The following LHFPL3 variants were observed in gnomAD, a reference collection of about 807,000 sequenced individuals.
The protein encoded by LHFPL3 is LHFPL tetraspan subfamily member 3, also known as LHFPL tetraspan subfamily member 3 protein.
A neutral mutation model predicts 19.3 loss-of-function variants in LHFPL3; 5 were observed. The observed-to-expected ratio is 0.26, with a 90% CI of 0.14 to 0.54. The LOEUF is 0.54. Ranked by LOEUF, LHFPL3 falls within the 20% of genes least tolerant of loss-of-function variation. The pLI, the probability that LHFPL3 is intolerant of heterozygous loss-of-function variation, is 0.94. For synonymous variants in LHFPL3, 133 were observed against 126.2 expected (o/e 1.05, Z -0.36); for missense variants, 249 against 307.4 (o/e 0.81, Z 1.42).
intron 2 of LHFPL3, among the ~76,000 whole-genome samples, chr7:104,748,940 T>C (rs1441630319): frequency 6.6e-6 from 1 of 152,250 alleles, no homozygotes; most frequent in East Asian, 1.9e-4. Flanking sequence ...TTGCGCTGAC[T>C]GAATTTTTTC....
intron 1 of LHFPL3, among the ~76,000 whole-genome samples, chr7:104,582,228 A>G (rs888262160): frequency 1.3e-5 from 2 of 151,920 alleles, no homozygotes; most frequent in East Asian, 3.9e-4. Context: ...TTTTGACACT[A>G]TTATTAATAA....
chr7:104,727,749 G>T (rs1212314622), intron 1 of LHFPL3, among the ~76,000 whole-genome samples: 1 of 150,822 alleles, frequency 6.6e-6, no homozygotes, highest in African/African-American at 2.4e-5. Context: ...AGAGAAAAAA[G>T]AAAAAAAAAC....
intron 1 of LHFPL3, among the ~76,000 whole-genome samples, chr7:104,358,936 G>T (rs1790337380): frequency 6.6e-6 from 1 of 152,216 alleles, no homozygotes; most frequent in African/African-American, 2.4e-5. Context: ...ACAGTTTGGA[G>T]AAATGTTTTC....
At chr7:104,474,890 GA>G (rs928368461) in intron 1 of LHFPL3, among the ~76,000 whole-genome samples, 16 of 151,976 alleles carry the variant, frequency 1.1e-4, no homozygotes, top group Non-Finnish European at 2.2e-4. Context: ...ATACAATCAT[GA>G]AAAAAATAAA....
chr7:104,691,338 G>A (rs531139735), intron 1 of LHFPL3, among the ~76,000 whole-genome samples: 1 of 152,356 alleles, frequency 6.6e-6, no homozygotes, highest in East Asian at 1.9e-4. Context: ...CCCCTAGCCT[G>A]TGCCAATGGC....
intron 2 of LHFPL3, among the ~76,000 whole-genome samples, chr7:104,843,609 G>A (rs1791255529): frequency 6.6e-6 from 1 of 152,292 alleles, no homozygotes; most frequent in South Asian, 2.1e-4. Flanking sequence ...ATCCTGAAAA[G>A]AGCCAACACA....
chr7:104,411,001 C>A (rs1197680137), intron 1 of LHFPL3, among the ~76,000 whole-genome samples: 2 of 152,138 alleles, frequency 1.3e-5, no homozygotes, highest in African/African-American at 2.4e-5. Context: ...ATGGGAAACA[C>A]CTCATCCTAT....
chr7:104,513,438 A>G (rs1437294172), intron 1 of LHFPL3, among the ~76,000 whole-genome samples: 1 of 152,240 alleles, frequency 6.6e-6, no homozygotes, highest in East Asian at 1.9e-4. Flanking sequence ...AATTAACTAC[A>G]GCCAGAAGAG....
intron 1 of LHFPL3, among the ~76,000 whole-genome samples, chr7:104,612,473 T>C (rs1341352298): frequency 1.6e-4 from 25 of 152,072 alleles, no homozygotes; most frequent in Non-Finnish European, 1.5e-5. Flanking sequence ...CAAAAAGAAA[T>C]GAGTGGACTT....
At chr7:104,594,915 G>A (rs567136073) in intron 1 of LHFPL3, among the ~76,000 whole-genome samples, 1 of 152,278 alleles carries the variant, frequency 6.6e-6, no homozygotes, top group South Asian at 2.1e-4. Flanking sequence ...TCCCTACACT[G>A]TTTATTCTAG....
At chr7:104,418,884 G>A (rs1044636773) in intron 1 of LHFPL3, among the ~76,000 whole-genome samples, 3 of 152,210 alleles carry the variant, frequency 2.0e-5, no homozygotes, top group East Asian at 1.9e-4. Context: ...GTCAGGCACC[G>A]TGCTAAGCCT....
At chr7:104,438,209 C>A (rs2385168) in intron 1 of LHFPL3, among the ~76,000 whole-genome samples, 61,930 of 152,076 alleles carry the variant, frequency 0.41, 15,754 homozygotes, top group African/African-American at 0.71. Context: ...TGATATGACA[C>A]AGACATTCTG....
intron 1 of LHFPL3, 59 bp downstream of exon 1, chr7:104,329,283 G>C: frequency 1.3e-6 from 2 of 1,533,372 alleles, no homozygotes. Context: ...AGCCGGGGAG[G>C]GGCCAGAGTG....
At chr7:104,669,085 G>T in intron 1 of LHFPL3, 1 of 1,612,660 alleles carries the variant, frequency 6.2e-7, no homozygotes, top group Admixed American at 1.7e-5. Flanking sequence ...TCTAGAAAAT[G>T]AAACACTCAA....
intron 1 of LHFPL3, among the ~76,000 whole-genome samples, chr7:104,678,972 A>T (rs573074993): frequency 2.0e-5 from 3 of 152,256 alleles, no homozygotes; most frequent in Non-Finnish European, 4.4e-5. Context: ...TCAAATTATT[A>T]TACCTCTTAA....
chr7:104,473,032 C>T (rs1792941219), intron 1 of LHFPL3, among the ~76,000 whole-genome samples: 1 of 152,036 alleles, frequency 6.6e-6, no homozygotes, highest in Non-Finnish European at 1.5e-5. Flanking sequence ...TTCAAATGGC[C>T]ATAATTGTAA....
intron 1 of LHFPL3, among the ~76,000 whole-genome samples, chr7:104,336,364 TATC>T (rs1346846485): frequency 1.3e-5 from 2 of 152,154 alleles, no homozygotes; most frequent in African/African-American, 4.8e-5. Flanking sequence ...ACATAATTAA[TATC>T]ATAATTAAAG....
At chr7:104,757,666 C>G (rs973326045) in intron 2 of LHFPL3, 3 of 152,506 alleles carry the variant, frequency 2.0e-5, no homozygotes, top group Non-Finnish European at 4.4e-5. Context: ...CATCTCACAC[C>G]AGTCCAAATG....
At chr7:104,357,304 C>T (rs560136189) in intron 1 of LHFPL3, among the ~76,000 whole-genome samples, 21 of 152,262 alleles carry the variant, frequency 1.4e-4, no homozygotes, top group African/African-American at 3.4e-4. Flanking sequence ...TGACAAGTCA[C>T]GTGCAATTTT....
Sources: gnomAD v4.1 joint callset for allele counts (sites outside exome capture counted in the v4.1 genomes callset) on GRCh38, gnomAD v4.1.1 for gene constraint, MANE v1.5 for transcripts, NCBI Gene and HGNC (gene_info 2026-07-23, HGNC 2026-07-21) for gene names.